Variants in GATA6 observed in about 807,000 individuals in gnomAD.
The protein encoded by GATA6 is transcription factor GATA-6.
Under a neutral mutation model 48.1 loss-of-function variants are expected in GATA6, and 11 were observed. The observed-to-expected ratio is 0.23, with a 90% CI of 0.14 to 0.38. The LOEUF (loss-of-function observed/expected upper bound fraction) is 0.38, where lower values mean the gene tolerates loss of function less well. Among genes scored for constraint, GATA6 ranks in the 10% least tolerant of loss-of-function variants. The probability of loss-of-function intolerance (pLI) is 1.00; values close to 1 mark genes in which losing one functional copy is unlikely to be tolerated. For synonymous variants in GATA6, 419 were observed against 396.1 expected, an observed-to-expected ratio of 1.06 and a Z score of -0.69; for missense variants, 795 against 850.3, an observed-to-expected ratio of 0.93 and a Z score of 0.81.
At chr18:22,175,031 T>C (rs959887413) in intron 2 of GATA6, among the ~76,000 whole-genome samples, 3 of 151,838 alleles carry the variant, frequency 2.0e-5, no homozygotes, top group African/African-American at 7.3e-5. Context: ...AATCTATCAC[T>C]CCCCAAGGGC....
At chr18:22,181,379 T>G (rs959410227) in intron 3 of GATA6, 74 bp from the exon 4 acceptor site, 4 of 1,496,308 alleles carry the variant, frequency 2.7e-6, no homozygotes, top group Admixed American at 1.7e-5. Flanking sequence ...AGGGACAAAA[T>G]ACCTTAATGT....
rs781520905 is a variant in GATA6 at position 22,200,872 on chromosome 18, A to G, written c.*49A>G. The G allele has an allele frequency of 3.9e-6, 6 of 1,557,768 alleles. No homozygotes were observed. Among genetic ancestry groups the G allele is most frequent in the South Asian group, 3.4e-5 (3 of 87,528 alleles). Reference sequence around the variant, plus strand: ...AGGGCTCCGCCGCGGGCCTCACTCCACTCGTGTCTGCTTTTGTGCAGCGGT... The same window carrying G: ...AGGGCTCCGCCGCGGGCCTCACTCCGCTCGTGTCTGCTTTTGTGCAGCGGT... On this transcript the variant is annotated 3_prime_UTR_variant, in exon 7 of 7. Transcript: ENST00000269216.
At chr18:22,192,171 G>T (rs1032018895) in intron 6 of GATA6, among the ~76,000 whole-genome samples, 18 of 152,202 alleles carry the variant, frequency 1.2e-4, no homozygotes, top group Non-Finnish European at 5.9e-5. Context: ...CTCTGTCTGT[G>T]TGAGTATAGC....
rs554577705 is a variant in GATA6, at chr18:22,171,340, G to C, written c.196G>C (p.Asp66His). 16 of 1,587,632 alleles carry C rather than the reference G, an allele frequency of 1.0e-5. No homozygotes were observed. Among genetic ancestry groups the C allele is most frequent in the Admixed American group, 6.8e-5 (4 of 59,090 alleles). The change falls in exon 2 of 7, where the codon GAC becomes CAC. Residue 66 changes from aspartate to histidine, a missense_variant. Around this residue, in one of 5 missense-constraint regions of GATA6, gnomAD observed 591 missense variants for 570.0 expected, o/e 1.04. Coordinates refer to ENST00000269216, the MANE Select transcript of GATA6 (RefSeq NM_005257.6). This position sits in a 1 kb window ranked among gnomAD's most constrained non-coding sequence, Gnocchi z 7.1. ...GASNCGTPQLDTEAAAGPPAR... is the reference protein window; with the variant it reads ...GASNCGTPQLHTEAAAGPPAR... ...CAGCAACTGCGGGACGCCTCAGCTC[G>C]ACACGGAGGCGGCGGCCGGACCCCC...
At chr18:22,178,371 A>G (rs536026741) in intron 3 of GATA6, among the ~76,000 whole-genome samples, 1 of 152,288 alleles carries the variant, frequency 6.6e-6, no homozygotes. Context: ...TAATAGAGAA[A>G]ATAAAGGAAA....
intron 6 of GATA6, among the ~76,000 whole-genome samples, chr18:22,197,343 C>T (rs530424212): frequency 5.9e-5 from 9 of 152,314 alleles, no homozygotes; most frequent in East Asian, 1.9e-4. Flanking sequence ...TGGGCCACCG[C>T]GCCTGGCCTA....
intron 2 of GATA6, among the ~76,000 whole-genome samples, chr18:22,175,976 A>G (rs2033116942): frequency 6.6e-6 from 1 of 152,176 alleles, no homozygotes; most frequent in African/African-American, 2.4e-5. Context: ...TCATTTTTAG[A>G]GACATTTATT....
At chr18:22,198,204 C>A (rs1452828043) in intron 6 of GATA6, among the ~76,000 whole-genome samples, 3 of 152,062 alleles carry the variant, frequency 2.0e-5, no homozygotes, top group Non-Finnish European at 4.4e-5. Context: ...TCCATCTCGG[C>A]TCCCCAAATA....
chr18:22,171,210 C>A lies in GATA6; in HGVS notation c.66C>A (p.Ser22Arg), dbSNP rs1266267498. ...KRFGAAGADA[S>R]DSRAFPAREP... ...TCGGGGCCGCGGGTGCGGACGCCAG[C>A]GACTCCAGAGCCTTTCCAGCGCGGG... The change falls in exon 2 of 7, where the codon AGC becomes AGA. Residue 22 changes from serine to arginine, a missense_variant. Physicochemically the swap from Ser to Arg is moderately radical, Grantham distance 110. Coordinates refer to ENST00000269216, the MANE Select transcript of GATA6 (RefSeq NM_005257.6). The surrounding 1 kb of genome is among the most constrained non-coding windows in gnomAD (Gnocchi z 7.1). 1 of 1,599,736 alleles carries A rather than the reference C, an allele frequency of 6.3e-7. No individual in the cohort carries two copies.
At chr18:22,188,834 T>G (rs948081735) in intron 6 of GATA6, among the ~76,000 whole-genome samples, 1 of 152,132 alleles carries the variant, frequency 6.6e-6, no homozygotes, top group African/African-American at 2.4e-5. Context: ...GTACTGTAAT[T>G]TCTCTGCCTC....
chr18:22,176,956 C>T lies in GATA6; in HGVS notation c.1137C>T (p.Asp379=), dbSNP rs1282352041. 2 of 1,552,554 alleles carry T rather than the reference C, an allele frequency of 1.3e-6. No homozygotes were observed. The highest frequency in any genetic ancestry group is 1.7e-6 in the Non-Finnish European group (2 of 1,152,810). ...CCTCACGCACCGCTGTCGCCGCAGACCTGCTGGAGGACCTGTCCGAGAGCC... is the reference window on the plus strand; with the variant it reads ...CCTCACGCACCGCTGTCGCCGCAGATCTGCTGGAGGACCTGTCCGAGAGCC... ...PLPVPRGPSA[D]LLEDLSESRE... Residue 379 remains aspartate, a splice_region_variant and synonymous_variant, in exon 3 of 7, where the codon GAC becomes GAT. Transcript: ENST00000269216.
intron 3 of GATA6, 141 bp from the exon 4 acceptor site, chr18:22,181,312 T>C: frequency 9.3e-6 from 10 of 1,071,042 alleles, no homozygotes; most frequent in Non-Finnish European, 1.4e-5. Flanking sequence ...ACACTGCAAT[T>C]TTTTTTCTCA....
chr18:22,187,175 T>G (rs1487344792), intron 6 of GATA6, among the ~76,000 whole-genome samples: 1 of 152,226 alleles, frequency 6.6e-6, no homozygotes, highest in Non-Finnish European at 1.5e-5. Flanking sequence ...TTAGTTGATC[T>G]AAATAGATAT....
chr18:22,196,363 C>T (rs938558921), intron 6 of GATA6, among the ~76,000 whole-genome samples: 2 of 152,148 alleles, frequency 1.3e-5, no homozygotes, highest in South Asian at 2.1e-4. Context: ...AGGTTATTTT[C>T]GCCAATTGCT....
In GATA6 at chr18:22,183,042, G is replaced by A; in HGVS notation, c.1619G>A (p.Gly540Glu). 6.2e-7 allele frequency: 1 copy of A among 1,608,508 alleles called. No individual in the cohort carries two copies. The highest frequency in any genetic ancestry group is 1.1e-5 in the South Asian group (1 of 90,964). ...TSPTTQPTAS[G>E]AGAPVMTGAG... ...CCCACAACACAACCTACAGCCTCAG[G>A]GGTAAGTATTAAAACAGCATAGACT... Residue 540 changes from glycine to glutamate, a missense_variant and splice_region_variant, in exon 6 of 7, where the codon GGG becomes GAG. Physicochemically the swap from Gly to Glu is moderately conservative, Grantham distance 98 (BLOSUM62 -2). Transcript: ENST00000269216.
chr18:22,197,129 G>A lies in GATA6; in HGVS notation c.1621-3527G>A, dbSNP rs150087213. On this transcript the variant is annotated intron_variant, in intron 6 of 6. Transcript: ENST00000269216. ...AGTTTCACTTTTGTTGCCCAGACTG[G>A]AGTGCAATGGTGCAATCTCGGCTCA... Among the ~76,000 whole-genome samples, 533 of 147,240 alleles carry A rather than the reference G, an allele frequency of 3.6e-3. 7 individuals are homozygous for A. Among genetic ancestry groups the A allele is most frequent in the African/African-American group, 0.013 (515 of 39,176 alleles).
intron 6 of GATA6, among the ~76,000 whole-genome samples, chr18:22,188,286 A>T (rs2033288547): frequency 6.6e-6 from 1 of 152,198 alleles, no homozygotes; most frequent in African/African-American, 2.4e-5. Flanking sequence ...TGGAGGTGGT[A>T]GGGGTGGGTA....
Position 22,200,854 on chromosome 18 carries a change from C to T in GATA6, c.*31C>T, listed in dbSNP as rs1422689550. 10 of 1,584,842 alleles carry T rather than the reference C, an allele frequency of 6.3e-6. No individual in the cohort carries two copies. The East Asian group carries it at 6.8e-5, about 11-fold the overall frequency. On this transcript the variant is annotated 3_prime_UTR_variant, in exon 7 of 7. Transcript: ENST00000269216. The stretch of plus-strand genomic sequence containing the variant: ...CGCCGCCAGGAGGCAGGGAGGGCTC[C>T]GCCGCGGGCCTCACTCCACTCGTGT...
chr18:22,185,662 G>A lies in GATA6; in HGVS notation c.1620+2619G>A, dbSNP rs1009286603. On this transcript the variant is annotated intron_variant, in intron 6 of 6. Coordinates refer to ENST00000269216, the MANE Select transcript of GATA6 (RefSeq NM_005257.6). This position sits in a 1 kb window ranked among gnomAD's most constrained non-coding sequence, Gnocchi z 4.3. ...ATGTCTCCAAAAGCCTCTACCTGCT[G>A]TGGCCATTGTGGGGAAACAGCTACT... is the stretch of plus-strand genomic sequence containing the variant. 1.3e-5 allele frequency among the ~76,000 whole-genome samples: 2 copies of A among 152,236 alleles called. No homozygotes were observed. Among genetic ancestry groups the A allele is most frequent in the Non-Finnish European group, 2.9e-5 (2 of 68,040 alleles).
Sources: gnomAD v4.1 joint callset for allele counts (sites outside exome capture counted in the v4.1 genomes callset) on GRCh38, gnomAD v4.1.1 for gene constraint, gnomAD v4.1.1 regional missense constraint, Gnocchi (gnomAD v3.1) non-coding constraint, MANE v1.5 for transcripts, NCBI Gene and HGNC (gene_info 2026-07-23, HGNC 2026-07-21) for gene names.